The following DOCK9 variants were observed in gnomAD, a reference collection of about 807,000 sequenced individuals.
DOCK9 encodes the protein dedicator of cytokinesis protein 9.
Under a neutral mutation model 263.3 loss-of-function variants are expected in DOCK9, and 89 were observed. The observed-to-expected ratio is 0.34, with a 90% CI of 0.28 to 0.40. The LOEUF (loss-of-function observed/expected upper bound fraction) is 0.40, where lower values mean the gene tolerates loss of function less well. DOCK9 is among the 10% of genes least tolerant of loss of function. The pLI, the probability that DOCK9 is intolerant of heterozygous loss-of-function variation, is 1.00. For missense variants in DOCK9, 2,140 were observed against 2,603.4 expected, an observed-to-expected ratio of 0.82 and a Z score of 3.87; for synonymous variants, 976 against 973.1, an observed-to-expected ratio of 1.00 and a Z score of -0.06.
At chr13:98,981,821 A>G (rs1001829866), upstream of DOCK9, among the ~76,000 whole-genome samples, 20 of 152,234 alleles carry the variant, frequency 1.3e-4, no homozygotes, top group African/African-American at 4.6e-4. Context: ...ATGTGTGAGG[A>G]CATGAGGATG....
intron 38 of DOCK9, among the ~76,000 whole-genome samples, chr13:98,842,325 C>T (rs1187684599): frequency 2.0e-5 from 3 of 152,172 alleles, no homozygotes; most frequent in Admixed American, 2.0e-4. Context: ...CAGCACATGC[C>T]ACTCAAGGCC....
rs2092694423 is a variant in DOCK9 at position 98,829,924 on chromosome 13, C to T, written c.4636-168G>A. 1.3e-5 allele frequency among the ~76,000 whole-genome samples: 2 copies of T among 152,152 alleles called. No homozygotes were observed. Among genetic ancestry groups the T allele is most frequent in the Non-Finnish European group, 2.9e-5 (2 of 68,034 alleles). On this transcript the variant is annotated intron_variant, in intron 41 of 52. Coordinates refer to ENST00000682017, the MANE Select transcript of DOCK9 (RefSeq NM_001366683.2). This position sits in a 1 kb window ranked among gnomAD's most constrained non-coding sequence, Gnocchi z 4.1. Reference sequence around the variant, plus strand: ...GAAACAATGTCTGAGGTATTTTCTTCCCCTTTAAGAATAATTACAGAAAGT... The same window carrying T: ...GAAACAATGTCTGAGGTATTTTCTTTCCCTTTAAGAATAATTACAGAAAGT...
upstream of DOCK9, among the ~76,000 whole-genome samples, chr13:98,981,564 C>T (rs1365000110): frequency 6.6e-6 from 1 of 152,182 alleles, no homozygotes; most frequent in Non-Finnish European, 1.5e-5. Flanking sequence ...CATCTGAGTC[C>T]ACCGCCTTCC....
chr13:98,962,538 T>TCCAG (rs1387413067), intron 1 of DOCK9, among the ~76,000 whole-genome samples: 1 of 151,520 alleles, frequency 6.6e-6, no homozygotes, highest in East Asian at 1.9e-4. Flanking sequence ...CTCAACTGAG[T>TCCAG]CAATGCATGG....
chr13:98,895,146 G>GA (rs33985955), intron 15 of DOCK9, among the ~76,000 whole-genome samples: 55,470 of 130,420 alleles, frequency 0.43, 12,406 homozygotes, highest in South Asian at 0.64. Flanking sequence ...CTCCATCTCG[G>GA]AAAAAAAAAA....
intron 39 of DOCK9, 132 bp downstream of exon 39, chr13:98,837,362 G>C (rs375934256): frequency 9.7e-6 from 6 of 621,090 alleles, no homozygotes; most frequent in East Asian, 8.6e-5. Context: ...AAAGATTAAT[G>C]GTTTCCTTAC....
intron 13 of DOCK9, among the ~76,000 whole-genome samples, chr13:98,900,029 T>C (rs970006173): frequency 3.9e-5 from 6 of 152,236 alleles, no homozygotes; most frequent in Non-Finnish European, 7.3e-5. Context: ...AAAAAAATCA[T>C]CTCACTGTAA....
chr13:98,795,938 T>A (rs2089330916), intron 52 of DOCK9, among the ~76,000 whole-genome samples: 1 of 152,036 alleles, frequency 6.6e-6, no homozygotes, highest in African/African-American at 2.4e-5. Flanking sequence ...TTGTATTTTT[T>A]AGTAGAGATG....
exon 1 of DOCK9, chr13:99,086,418 G>A: frequency 1.1e-6 from 1 of 939,382 alleles, no homozygotes; most frequent in Non-Finnish European, 1.3e-6. Flanking sequence ...CGGCCGCCAG[G>A]TGCGCCCTCG....
intron 30 of DOCK9, among the ~76,000 whole-genome samples, chr13:98,866,452 G>A (rs1594797002): frequency 6.6e-6 from 1 of 152,200 alleles, no homozygotes; most frequent in Non-Finnish European, 1.5e-5. Context: ...TCGGAATTCA[G>A]AAGCAGTTGA....
intron 35 of DOCK9, among the ~76,000 whole-genome samples, chr13:98,851,452 G>A (rs1169747153): frequency 6.6e-6 from 1 of 152,152 alleles, no homozygotes; most frequent in African/African-American, 2.4e-5. Flanking sequence ...AGCCTGGTGG[G>A]ACCACCCTGC....
intron 1 of DOCK9, among the ~76,000 whole-genome samples, chr13:98,997,659 T>C (rs1391641079): frequency 6.6e-6 from 1 of 152,264 alleles, no homozygotes; most frequent in Non-Finnish European, 1.5e-5. Context: ...GGGATTGCCA[T>C]GGGCAGCCTT....
chr13:99,056,267 T>C (rs1303708290), intron 1 of DOCK9, among the ~76,000 whole-genome samples: 2 of 152,124 alleles, frequency 1.3e-5, no homozygotes, highest in Non-Finnish European at 1.5e-5. Context: ...GCAATTCAGC[T>C]TCCCTGGCTA....
At chr13:98,807,170 T>C (rs1445843103) in intron 48 of DOCK9, among the ~76,000 whole-genome samples, 1 of 152,156 alleles carries the variant, frequency 6.6e-6, no homozygotes, top group Admixed American at 6.5e-5. Context: ...GAGAACAGAA[T>C]GCCAGAGGAC....
rs2059968206 is a variant in DOCK9 at position 98,973,831 on chromosome 13, C to A, written c.126+3953G>T. On this transcript the variant is annotated intron_variant, in intron 1 of 52. Coordinates refer to ENST00000682017, the MANE Select transcript of DOCK9 (RefSeq NM_001366683.2). ...CAAACTGGTTTTGAACTCCTGAGATCAAGCAATGCCCACCTTGGCCTCCTA... is the reference window on the plus strand; with the variant it reads ...CAAACTGGTTTTGAACTCCTGAGATAAAGCAATGCCCACCTTGGCCTCCTA... Among the ~76,000 whole-genome samples, 5 of 152,196 alleles carry A rather than the reference C, an allele frequency of 3.3e-5. No individual in the cohort carries two copies. The South Asian group carries it at 1.0e-3, about 31-fold the overall frequency.
chr13:98,824,525 G>A (rs1566612460), intron 44 of DOCK9, 21 bp from the exon 45 acceptor site: 9 of 1,608,486 alleles, frequency 5.6e-6, no homozygotes, highest in Non-Finnish European at 6.0e-6. Context: ...AGGAAGGAGG[G>A]ACAGTCAGAG....
chr13:98,856,095 G>T, intron 33 of DOCK9, 64 bp from the exon 34 acceptor site: 1 of 1,539,918 alleles, frequency 6.5e-7, no homozygotes, highest in Non-Finnish European at 8.9e-7. Context: ...GATGAGTACT[G>T]AACTTTAAGG....
chr13:98,986,583 T>C (rs1052514503), intron 1 of DOCK9, among the ~76,000 whole-genome samples: 6 of 152,198 alleles, frequency 3.9e-5, no homozygotes, highest in African/African-American at 1.4e-4. Flanking sequence ...TAAAAAGCAA[T>C]AGGTTATATC....
chr13:98,988,722 C>T (rs1595838934), intron 1 of DOCK9, among the ~76,000 whole-genome samples: 2 of 152,322 alleles, frequency 1.3e-5, no homozygotes, highest in South Asian at 4.1e-4. Flanking sequence ...GCAGAGGACC[C>T]AAACCCTACT....
Sources: gnomAD v4.1 joint callset for allele counts (sites outside exome capture counted in the v4.1 genomes callset) on GRCh38, gnomAD v4.1.1 for gene constraint, Gnocchi (gnomAD v3.1) non-coding constraint, MANE v1.5 for transcripts, NCBI Gene and HGNC (gene_info 2026-07-23, HGNC 2026-07-21) for gene names.